Variants in TMCC1 observed in about 807,000 individuals in gnomAD.
The protein encoded by TMCC1 is transmembrane and coiled-coil domains protein 1.
A neutral mutation model predicts 52.4 loss-of-function variants in TMCC1; 15 were observed. The observed-to-expected ratio is 0.29, with a 90% CI of 0.19 to 0.44. The LOEUF is 0.44. TMCC1 is among the 20% of genes least tolerant of loss of function. The pLI, the probability that TMCC1 is intolerant of heterozygous loss-of-function variation, is 1.00. For missense variants in TMCC1, 503 were observed against 806.0 expected, an observed-to-expected ratio of 0.62 and a Z score of 4.55; for synonymous variants, 279 against 301.9, an observed-to-expected ratio of 0.92 and a Z score of 0.79.
chr3:129,887,294 A>T (rs2061752580), intron 1 of TMCC1, among the ~76,000 whole-genome samples: 1 of 152,128 alleles, frequency 6.6e-6, no homozygotes, highest in African/African-American at 2.4e-5. Context: ...CTGTAATCCC[A>T]GCACTTTGGG....
chr3:129,792,701 T>C (rs1035656614), intron 4 of TMCC1, among the ~76,000 whole-genome samples: 7 of 152,176 alleles, frequency 4.6e-5, no homozygotes, highest in African/African-American at 1.7e-4. Context: ...GTAAATCTGA[T>C]AGACAACAAA....
chr3:129,796,417 A>G (rs2056824624), intron 4 of TMCC1, among the ~76,000 whole-genome samples: 1 of 152,226 alleles, frequency 6.6e-6, no homozygotes, highest in Non-Finnish European at 1.5e-5. Context: ...GTTCAGTACT[A>G]TCTTCAGTTT....
chr3:129,684,230 A>G (rs1346812699), intron 4 of TMCC1, among the ~76,000 whole-genome samples: 1 of 152,250 alleles, frequency 6.6e-6, no homozygotes, highest in African/African-American at 2.4e-5. Flanking sequence ...TGGATTCCAA[A>G]AGACTGAGAA....
chr3:129,794,431 G>C (rs1470146272), intron 4 of TMCC1: 47 of 454,370 alleles, frequency 1.0e-4, no homozygotes, highest in Non-Finnish European at 4.4e-6. Flanking sequence ...TCTTGGGAAA[G>C]TCGGTGGCAG....
chr3:129,719,752 C>T (rs1190935124), intron 4 of TMCC1, among the ~76,000 whole-genome samples: 1 of 152,164 alleles, frequency 6.6e-6, no homozygotes, highest in Non-Finnish European at 1.5e-5. Flanking sequence ...GTTTTATCCA[C>T]TCAATTTCCT....
intron 2 of TMCC1, among the ~76,000 whole-genome samples, chr3:129,836,082 T>C (rs963756362): frequency 3.3e-5 from 5 of 152,206 alleles, no homozygotes; most frequent in Non-Finnish European, 7.4e-5. Context: ...CTAGCTGTAT[T>C]AATTGTATTC....
At chr3:129,833,294 T>C (rs996294843) in intron 2 of TMCC1, among the ~76,000 whole-genome samples, 2 of 152,134 alleles carry the variant, frequency 1.3e-5, no homozygotes, top group Non-Finnish European at 2.9e-5. Flanking sequence ...AAATCCTATC[T>C]TAGGCCAGGC....
intron 4 of TMCC1, among the ~76,000 whole-genome samples, chr3:129,785,706 A>G (rs2055968232): frequency 6.6e-6 from 1 of 152,148 alleles, no homozygotes; most frequent in Non-Finnish European, 1.5e-5. Context: ...AGACAAGTTT[A>G]TTAAGGCTTT....
At chr3:129,673,331 C>T (rs1404834628) in intron 4 of TMCC1, among the ~76,000 whole-genome samples, 1 of 152,148 alleles carries the variant, frequency 6.6e-6, no homozygotes, top group Admixed American at 6.5e-5. Context: ...CTAGGTTGCA[C>T]AGGGTTCCAA....
chr3:129,726,933 G>A (rs562442706), intron 4 of TMCC1, among the ~76,000 whole-genome samples: 1 of 125,176 alleles, frequency 8.0e-6, no homozygotes, highest in South Asian at 2.8e-4. Flanking sequence ...TTATTCTGTA[G>A]TACAAAACCC....
At position 129,720,181 on chromosome 3, in the gene TMCC1, C is replaced by CAAAAAAAAAAA. The variant is rs765678095; in HGVS notation, c.577-48928_577-48918dup. On this transcript the variant is annotated intron_variant, in intron 4 of 6. Transcript: ENST00000393238. ...TGGGCAACAGAGTAAGACCCTGTCTCAAAAAAAAAAAAAAAAAAAAAGAGA... is the reference window on the plus strand; with the variant it reads ...TGGGCAACAGAGTAAGACCCTGTCTCAAAAAAAAAAAAAAAAAAAAAAAAAAAAAAAAGAGA... Among the ~76,000 whole-genome samples the CAAAAAAAAAAA allele has an allele frequency of 6.9e-3, 402 of 58,636 alleles. 6 individuals are homozygous for CAAAAAAAAAAA. Among genetic ancestry groups the CAAAAAAAAAAA allele is most frequent in the African/African-American group, 0.023 (380 of 16,212 alleles). 38.5% of individuals were successfully genotyped at this position (58,636 alleles called of 152,430 possible).
At chr3:129,813,662 A>G (rs1214076375) in intron 4 of TMCC1, among the ~76,000 whole-genome samples, 2 of 152,136 alleles carry the variant, frequency 1.3e-5, no homozygotes, top group Non-Finnish European at 2.9e-5. Context: ...GAGTGGGAGG[A>G]GGGTGAGGAT....
chr3:129,698,987 C>A (rs1370885229), intron 4 of TMCC1, among the ~76,000 whole-genome samples: 3 of 151,986 alleles, frequency 2.0e-5, no homozygotes. Flanking sequence ...AAAATCTGTT[C>A]TTTAACTAAA....
At position 129,692,206 on chromosome 3, in the gene TMCC1, A is replaced by G. The variant is rs1240680827; in HGVS notation, c.577-20942T>C. Among the ~76,000 whole-genome samples, 3 of 152,204 alleles carry G rather than the reference A, an allele frequency of 2.0e-5. No homozygotes were observed. The East Asian group carries it at 5.8e-4, about 29-fold the overall frequency. The stretch of plus-strand genomic sequence containing the variant: ...TTACTTATACAGGTTTAGTGATAAA[A>G]TTAATATTACTCTTCTTTTGTAATG... On this transcript the variant is annotated intron_variant, in intron 4 of 6. Transcript: ENST00000393238.
chr3:129,654,883 T>G, intron 6 of TMCC1, 85 bp downstream of exon 6: 1 of 1,529,282 alleles, frequency 6.5e-7, no homozygotes, highest in Non-Finnish European at 8.9e-7. Flanking sequence ...TTCTCTACCT[T>G]CTCATCTTTT....
At chr3:129,719,664 CT>C (rs1267691001) in intron 4 of TMCC1, among the ~76,000 whole-genome samples, 2 of 152,146 alleles carry the variant, frequency 1.3e-5, no homozygotes, top group Non-Finnish European at 2.9e-5. Flanking sequence ...TGCAGAATTG[CT>C]TGCTGGTGGG....
chr3:129,869,119 A>T (rs1214715160), intron 2 of TMCC1: 1 of 152,062 alleles, frequency 6.6e-6, no homozygotes, highest in Admixed American at 6.6e-5. Context: ...GCTGGTTGCC[A>T]GGGGAACCAA....
In TMCC1 at chr3:129,654,753, A is replaced by C. The variant is rs3733152; in HGVS notation, c.1647+215T>G. ...CACTGAGATTACTGTGATCCTAAGA[A>C]ACATTTCCCAAGTACCAAGCAGACA... is the stretch of plus-strand genomic sequence containing the variant. On this transcript the variant is annotated intron_variant, in intron 6 of 6. Coordinates refer to ENST00000393238, the MANE Select transcript of TMCC1 (RefSeq NM_001017395.5). Among the ~76,000 whole-genome samples the C allele has an allele frequency of 1.2e-3, 176 of 152,294 alleles. 1 individual carries two copies. In the East Asian group the frequency reaches 0.031, roughly 27 times the overall value.
chr3:129,763,212 AAATAAATAAAT>A (rs1560361862), intron 4 of TMCC1, among the ~76,000 whole-genome samples: 4 of 79,236 alleles, frequency 5.0e-5, no homozygotes, highest in African/African-American at 2.7e-4. Context: ...AATAAAAAAT[AAATAAATAAAT>A]AAATAAATAA....
Sources: gnomAD v4.1 joint callset for allele counts (sites outside exome capture counted in the v4.1 genomes callset) on GRCh38, gnomAD v4.1.1 for gene constraint, MANE v1.5 for transcripts, NCBI Gene and HGNC (gene_info 2026-07-23, HGNC 2026-07-21) for gene names.